FADS6: variants seen among roughly 807,000 people sequenced by gnomAD.
The protein encoded by FADS6 is fatty acid desaturase 6, also known as fatty acid desaturase domain family, member 6.
A neutral mutation model predicts 31.7 loss-of-function variants in FADS6; 28 were observed. The observed-to-expected ratio is 0.88, with a 90% CI of 0.66 to 1.21. The LOEUF (loss-of-function observed/expected upper bound fraction) is 1.21, where lower values mean the gene tolerates loss of function less well. Ranked by LOEUF, FADS6 falls within the 50% of genes most tolerant of loss-of-function variation. The pLI is 0.00. For synonymous variants in FADS6, 191 were observed against 213.1 expected (o/e 0.90, Z 0.90); for missense variants, 494 against 504.2 (o/e 0.98, Z 0.19).
At position 74,893,356 on chromosome 17, in the gene FADS6, C is replaced by T; in HGVS notation, c.240G>A (p.Pro80=). Residue 80 remains proline, a synonymous_variant, in exon 1 of 6, where the codon CCG becomes CCA. Coordinates refer to ENST00000612771, the MANE Select transcript of FADS6 (RefSeq NM_178128.6). ...CCGGGTCCCCGCGTTCCTCACCTGCCGGCAAGGCGAAGAGGCTGAGCGCGA... is the reference window on the plus strand; with the variant it reads ...CCGGGTCCCCGCGTTCCTCACCTGCTGGCAAGGCGAAGAGGCTGAGCGCGA... ...AILALSLFAL[P]AGFLCLRWEN... 3 of 1,518,258 alleles carry T rather than the reference C, an allele frequency of 2.0e-6. No homozygotes were observed. The highest frequency in any genetic ancestry group is 2.6e-6 in the Non-Finnish European group (3 of 1,137,816). 94.0% of individuals were successfully genotyped at this position (1,518,258 alleles called of 1,614,324 possible). A position where few individuals can be genotyped will look rare whatever the true frequency, so the allele number is the denominator to read the frequency against.
In FADS6 at chr17:74,879,248, G is replaced by A. The variant is rs529399582; in HGVS notation, c.960+156C>T. 1.1e-3 allele frequency: 1,007 copies of A among 883,222 alleles called. 5 individuals carry two copies. Among genetic ancestry groups the A allele is most frequent in the Middle Eastern group, 2.8e-3 (9 of 3,234 alleles). The allele number at this position is 883,222 out of a possible 1,614,324, so 54.7% of individuals were successfully genotyped here. A position where few individuals can be genotyped will look rare whatever the true frequency, so the allele number is the denominator to read the frequency against. On this transcript the variant is annotated intron_variant, in intron 5 of 5. Transcript: ENST00000612771. ...GATGGGGTTTCACCATGTTGCCCAG[G>A]CTGCTCTCAAACTCCTGGGCTCAAG...
downstream of FADS6, among the ~76,000 whole-genome samples, chr17:74,876,753 T>C (rs1375717363): frequency 6.6e-6 from 1 of 151,980 alleles, no homozygotes; most frequent in Non-Finnish European, 1.5e-5. Context: ...GCTGAGATCA[T>C]GCCACTGCAC....
chr17:74,875,995 C>A (rs961245322), downstream of FADS6, among the ~76,000 whole-genome samples: 1 of 152,202 alleles, frequency 6.6e-6, no homozygotes. Context: ...AAACCACTAC[C>A]ACCGCAAGCC....
intron 2 of FADS6, among the ~76,000 whole-genome samples, chr17:74,888,157 C>CGTGG (rs1555625289): frequency 2.8e-5 from 3 of 108,912 alleles, no homozygotes; most frequent in East Asian, 3.2e-4. Flanking sequence ...CACACACACG[C>CGTGG]GCGCGCGCGC....
In FADS6 at chr17:74,888,144, ACACACACACACG is replaced by A. The variant is rs1434305839; in HGVS notation, c.411+4367_411+4378del. 4.6e-3 allele frequency among the ~76,000 whole-genome samples: 525 copies of A among 113,842 alleles called. 5 individuals are homozygous for A. The highest frequency in any genetic ancestry group is 0.035 in the Middle Eastern group (8 of 226). The allele number at this position is 113,842 out of a possible 152,430, so 74.7% of individuals were successfully genotyped here. ...TGAGACACCACACACACACACACACACACACACACACGCGCGCGCGCGCGCGCGCAGAGTACC... is the reference window on the plus strand; with the variant it reads ...TGAGACACCACACACACACACACACACGCGCGCGCGCGCGCGCAGAGTACC... On this transcript the variant is annotated intron_variant, in intron 2 of 5. Coordinates refer to ENST00000612771, the MANE Select transcript of FADS6 (RefSeq NM_178128.6).
Position 74,892,558 on chromosome 17 carries a change from G to T in FADS6, c.376C>A (p.Arg126Ser), listed in dbSNP as rs772482043. Residue 126 changes from arginine to serine, a missense_variant, in exon 2 of 6, where the codon CGC becomes AGC. By Grantham distance (110) the Arg-to-Ser change is moderately radical (BLOSUM62 -1). Around this residue, in one of 2 missense-constraint regions of FADS6, gnomAD observed 454 missense variants for 438.5 expected, o/e 1.04. Transcript: ENST00000612771. Reference sequence around the variant, plus strand: ...AAAAGCAGCCAGATCTTGCTCCAGCGTTTGGACTCGGTGAGGGCCCCATGA... The same window carrying T: ...AAAAGCAGCCAGATCTTGCTCCAGCTTTTGGACTCGGTGAGGGCCCCATGA... The part of the protein sequence containing the change: ...ATHGALTESK[R>S]WSKIWLLFFV... 3.7e-6 allele frequency: 6 copies of T among 1,613,408 alleles called. No homozygotes were observed. The South Asian group carries it at 6.6e-5, about 18-fold the overall frequency.
rs73997539 is a variant in FADS6, at chr17:74,878,542, A to G, written c.961-65T>C. 0.02 allele frequency: 30,899 copies of G among 1,566,790 alleles called. 3,062 individuals are homozygous for G. In the African/African-American group the frequency reaches 0.27, roughly 14 times the overall value. ...CTGTGGGCAGGCCCATCATCCCGTCAGGGGAGGGAGGGACATCATCTTCCC... is the reference window on the plus strand; with the variant it reads ...CTGTGGGCAGGCCCATCATCCCGTCGGGGGAGGGAGGGACATCATCTTCCC... On this transcript the variant is annotated intron_variant, in intron 5 of 5. Coordinates refer to ENST00000612771, the MANE Select transcript of FADS6 (RefSeq NM_178128.6).
intron 4 of FADS6, 108 bp from the exon 5 acceptor site, chr17:74,879,691 A>G: frequency 1.7e-6 from 2 of 1,169,788 alleles, no homozygotes; most frequent in South Asian, 3.2e-5. Context: ...CCCACCTCCC[A>G]TGTGGGGGGA....
intron 5 of FADS6, chr17:74,879,040 T>C (rs2038537466): frequency 3.1e-5 from 1 of 32,126 alleles, no homozygotes; most frequent in South Asian, 7.8e-4. Flanking sequence ...CTCACCACCT[T>C]TTTTTTTTTT....
chr17:74,891,503 T>TA (rs1324206733), intron 2 of FADS6, among the ~76,000 whole-genome samples: 8 of 152,196 alleles, frequency 5.3e-5, no homozygotes, highest in African/African-American at 1.7e-4. Flanking sequence ...GCCCGTGTCT[T>TA]AGAGTCTGGC....
intron 5 of FADS6, 74 bp downstream of exon 5, chr17:74,879,330 C>G (rs753546631): frequency 1.3e-6 from 2 of 1,550,222 alleles, no homozygotes; most frequent in Admixed American, 3.6e-5. Context: ...GCAACGCCCC[C>G]AGGCCGAAGA....
At position 74,882,700 on chromosome 17, in the gene FADS6, G is replaced by A. The variant is rs1469816973; in HGVS notation, c.422C>T (p.Ala141Val). The A allele has an allele frequency of 1.2e-6, 2 of 1,609,368 alleles. No homozygotes were observed. Residue 141 changes from alanine to valine, a missense_variant, in exon 3 of 6, where the codon GCC becomes GTC. Around this residue, in one of 2 missense-constraint regions of FADS6, gnomAD observed 454 missense variants for 438.5 expected, o/e 1.04. Coordinates refer to ENST00000612771, the MANE Select transcript of FADS6 (RefSeq NM_178128.6). ...WLLFFVEVCT[A>V]FTAEHATHGH... is the part of the protein sequence containing the mutation. Reference sequence around the variant, plus strand: ...ATGCGTGGCGTGCTCTGCAGTGAAGGCTGTGCACACCTAGAGGAGGGAACC... The same window carrying A: ...ATGCGTGGCGTGCTCTGCAGTGAAGACTGTGCACACCTAGAGGAGGGAACC...
rs775010554 is a variant in FADS6 at position 74,882,689 on chromosome 17, C to T, written c.433G>A (p.Glu145Lys). The T allele has an allele frequency of 6.2e-7, 1 of 1,610,544 alleles. No homozygotes were observed. The highest frequency in any genetic ancestry group is 1.1e-5 in the South Asian group (1 of 90,126). Residue 145 changes from glutamate to lysine, a missense_variant, in exon 3 of 6, where the codon GAG becomes AAG. Physicochemically the swap from Glu to Lys is moderately conservative, Grantham distance 56. Transcript: ENST00000612771. ...TTGACGTGCCCATGCGTGGCGTGCT[C>T]TGCAGTGAAGGCTGTGCACACCTAG... ...FVEVCTAFTA[E>K]HATHGHVKMH...
rs1376381432 is a variant in FADS6 at position 74,882,727 on chromosome 17, G to T, written c.412-17C>A. ...TGTGCACACCTAGAGGAGGGAACCAGAAATGACACTGGGGTCCCTGTCAGG... is the reference window on the plus strand; with the variant it reads ...TGTGCACACCTAGAGGAGGGAACCATAAATGACACTGGGGTCCCTGTCAGG... On this transcript the variant is annotated splice_polypyrimidine_tract_variant and intron_variant, in intron 2 of 5. Coordinates refer to ENST00000612771, the MANE Select transcript of FADS6 (RefSeq NM_178128.6). The T allele has an allele frequency of 6.2e-7, 1 of 1,602,328 alleles. No individual in the cohort carries two copies. The highest frequency in any genetic ancestry group is 8.5e-7 in the Non-Finnish European group (1 of 1,175,910).
intron 1 of FADS6, 63 bp from the exon 2 acceptor site, chr17:74,892,752 C>T: frequency 6.7e-7 from 1 of 1,482,950 alleles, no homozygotes; most frequent in Non-Finnish European, 9.0e-7. Context: ...GGCCCAAATA[C>T]CTCAACCCTT....
At chr17:74,883,686 G>A (rs1462853402) in intron 2 of FADS6, among the ~76,000 whole-genome samples, 2 of 152,126 alleles carry the variant, frequency 1.3e-5, no homozygotes, top group Non-Finnish European at 2.9e-5. Context: ...TTTTGAGATG[G>A]AGTCTCGCTC....
At chr17:74,885,085 G>A (rs1376753645) in intron 2 of FADS6, among the ~76,000 whole-genome samples, 1 of 151,848 alleles carries the variant, frequency 6.6e-6, no homozygotes, top group Non-Finnish European at 1.5e-5. Flanking sequence ...AACCATTCAT[G>A]AGAAACCCCT....
At position 74,878,198 on chromosome 17, in the gene FADS6, C is replaced by T. The variant is rs1160299540; in HGVS notation, c.*133G>A. Reference sequence around the variant, plus strand: ...AGACCCCAGGCCTGAGCTCCCCTGCCCCCCTGCCTGGCCGGTGCCTCCACT... The same window carrying T: ...AGACCCCAGGCCTGAGCTCCCCTGCTCCCCTGCCTGGCCGGTGCCTCCACT... On this transcript the variant is annotated 3_prime_UTR_variant, in exon 6 of 6. Transcript: ENST00000612771. 1 of 1,441,046 alleles carries T rather than the reference C, an allele frequency of 6.9e-7. No homozygotes were observed. The highest frequency in any genetic ancestry group is 9.1e-7 in the Non-Finnish European group (1 of 1,101,310). The allele number at this position is 1,441,046 out of a possible 1,614,324, so 89.3% of individuals were successfully genotyped here.
Position 74,877,837 on chromosome 17 carries a change from G to A in FADS6, c.*494C>T. On this transcript the variant is annotated 3_prime_UTR_variant, in exon 6 of 6. Transcript: ENST00000612771. ...AAGCAAGCTCACCCTAAGGTCCCCGGGGAGAGGGCACCTTGGTGGGCAGAG... is the reference window on the plus strand; with the variant it reads ...AAGCAAGCTCACCCTAAGGTCCCCGAGGAGAGGGCACCTTGGTGGGCAGAG... The A allele has an allele frequency of 1.0e-6, 1 of 986,696 alleles. No individual in the cohort carries two copies. Among genetic ancestry groups the A allele is most frequent in the Non-Finnish European group, 1.2e-6 (1 of 830,918 alleles). 61.1% of individuals were successfully genotyped at this position (986,696 alleles called of 1,614,324 possible).
Sources: allele counts gnomAD v4.1 joint callset (sites outside exome capture counted in the v4.1 genomes callset), GRCh38; gene constraint gnomAD v4.1.1; regional missense constraint gnomAD v4.1.1; transcripts MANE v1.5; gene names NCBI Gene and HGNC (gene_info 2026-07-23, HGNC 2026-07-21).